Variants in EML1 observed in about 807,000 individuals in gnomAD.
EML1 encodes echinoderm microtubule-associated protein-like 1.
EML1 carries 27 observed loss-of-function variants against 110.4 expected under a neutral mutation model. That is an observed-to-expected ratio of 0.24 (90% confidence interval 0.18 to 0.34). The LOEUF (loss-of-function observed/expected upper bound fraction) is 0.34, where lower values mean the gene tolerates loss of function less well. EML1 is among the 10% of genes least tolerant of loss of function. The probability of loss-of-function intolerance (pLI) is 1.00; values close to 1 mark genes in which losing one functional copy is unlikely to be tolerated. For synonymous variants in EML1, 344 were observed against 385.8 expected (o/e 0.89, Z 1.27); for missense variants, 741 against 1,030.9 (o/e 0.72, Z 3.85).
upstream of EML1, among the ~76,000 whole-genome samples, chr14:99,769,221 G>A (rs931173607): frequency 1.3e-5 from 2 of 152,202 alleles, no homozygotes; most frequent in African/African-American, 2.4e-5. Context: ...TCTGAGCAGC[G>A]TGGCCATCTC....
At chr14:99,888,636 C>T (rs1242864886) in intron 4 of EML1, among the ~76,000 whole-genome samples, 4 of 152,198 alleles carry the variant, frequency 2.6e-5, no homozygotes, top group Non-Finnish European at 4.4e-5. Context: ...AAGAATGTCA[C>T]TTCCACCCTA....
At chr14:99,822,455 G>A (rs142150136) in intron 1 of EML1, among the ~76,000 whole-genome samples, 1 of 152,280 alleles carries the variant, frequency 6.6e-6, no homozygotes, top group African/African-American at 2.4e-5. Context: ...TATAACTAGG[G>A]TTAAAAATCA....
chr14:99,850,465 A>G lies in EML1; in HGVS notation c.68-388A>G. 4.1e-6 allele frequency: 3 copies of G among 738,662 alleles called. 1 individual carries two copies. In the South Asian group the frequency reaches 5.0e-5, roughly 12 times the overall value. 45.8% of individuals were successfully genotyped at this position (738,662 alleles called of 1,614,324 possible). ...CTACCTGTCAGTTAACATAATTGGA[A>G]CAGAAGCTAGAAGACCATGCAGACT... is the stretch of plus-strand genomic sequence containing the variant. On this transcript the variant is annotated intron_variant, in intron 1 of 21. Transcript: ENST00000262233.
chr14:99,918,768 T>C (rs2060076303), intron 16 of EML1, among the ~76,000 whole-genome samples: 1 of 152,066 alleles, frequency 6.6e-6, no homozygotes, highest in Non-Finnish European at 1.5e-5. Context: ...CGCACTATGA[T>C]TGCACCACTG....
intron 1 of EML1, among the ~76,000 whole-genome samples, chr14:99,807,850 G>C (rs2058006329): frequency 6.6e-6 from 1 of 152,082 alleles, no homozygotes; most frequent in Non-Finnish European, 1.5e-5. Flanking sequence ...GTTACAGCTG[G>C]GTTGACTTAT....
chr14:99,754,820 A>G (rs1004901223), intron 1 of EML1, among the ~76,000 whole-genome samples: 1 of 152,148 alleles, frequency 6.6e-6, no homozygotes, highest in African/African-American at 2.4e-5. Context: ...AAACTTCTCC[A>G]GGTCATGCCT....
At chr14:99,870,662 G>A (rs866346619) in intron 3 of EML1, among the ~76,000 whole-genome samples, 2 of 152,118 alleles carry the variant, frequency 1.3e-5, no homozygotes, top group African/African-American at 4.8e-5. Context: ...AAATCCTAGG[G>A]CCCTTAAGAA....
chr14:99,919,926 T>C, intron 16 of EML1, among the ~76,000 whole-genome samples: 1 of 152,168 alleles, frequency 6.6e-6, no homozygotes, highest in East Asian at 1.9e-4. Context: ...GTGGACATGC[T>C]GATGGGATGT....
intron 3 of EML1, among the ~76,000 whole-genome samples, chr14:99,870,870 T>C (rs1030268428): frequency 6.6e-6 from 1 of 152,206 alleles, no homozygotes; most frequent in Non-Finnish European, 1.5e-5. Context: ...GAGCGGAAAT[T>C]AATGTTTTTA....
At chr14:99,791,816 C>T (rs907240166), upstream of EML1, among the ~76,000 whole-genome samples, 1 of 152,254 alleles carries the variant, frequency 6.6e-6, no homozygotes, top group African/African-American at 2.4e-5. Context: ...CTGGTTCAGG[C>T]TCCTCTGCAG....
At chr14:99,897,453 T>G (rs2059690343) in intron 7 of EML1, among the ~76,000 whole-genome samples, 159 bp downstream of exon 7, 1 of 152,128 alleles carries the variant, frequency 6.6e-6, no homozygotes, top group South Asian at 2.1e-4. Context: ...GGAAATAGCA[T>G]TAGCAGAACA....
intron 9 of EML1, among the ~76,000 whole-genome samples, chr14:99,903,480 C>T (rs1378520268): frequency 6.6e-6 from 1 of 152,160 alleles, no homozygotes; most frequent in Non-Finnish European, 1.5e-5. Context: ...AGTCTTAGGA[C>T]AGCCACAATT....
intron 17 of EML1, among the ~76,000 whole-genome samples, chr14:99,924,103 C>G (rs989723203): frequency 7.2e-5 from 11 of 152,190 alleles, no homozygotes; most frequent in Admixed American, 6.5e-4. Flanking sequence ...TAGGTCTTTA[C>G]TTTTTCTCAG....
At chr14:99,926,476 G>A (rs1244552794) in intron 17 of EML1, among the ~76,000 whole-genome samples, 1 of 151,974 alleles carries the variant, frequency 6.6e-6, no homozygotes, top group Admixed American at 6.6e-5. Flanking sequence ...GTAGAGACAG[G>A]GTTTTGCCAG....
intron 1 of EML1, among the ~76,000 whole-genome samples, chr14:99,741,843 G>A (rs1338462563): frequency 2.6e-5 from 4 of 152,198 alleles, no homozygotes; most frequent in Non-Finnish European, 5.9e-5. Flanking sequence ...GGGCAGACAA[G>A]TGCTGGAAAG....
At chr14:99,897,722 T>A (rs1380288153) in intron 7 of EML1, among the ~76,000 whole-genome samples, 1 of 152,246 alleles carries the variant, frequency 6.6e-6, no homozygotes, top group African/African-American at 2.4e-5. Flanking sequence ...TATTTTTTGA[T>A]AAACATAAAA....
chr14:99,909,419 A>G lies in EML1; in HGVS notation c.1179A>G (p.Ser393=), dbSNP rs1476595848. The part of the protein sequence containing the change: ...DTNIIVTCGK[S]HLYFWTLEGS... The stretch of plus-strand genomic sequence containing the variant: ...ACATCATAGTTACTTGTGGAAAATC[A>G]CATCTCTACTTTTGGACACTAGAAG... The change falls in exon 11 of 22, where the codon TCA becomes TCG. Residue 393 remains serine, a synonymous_variant. Coordinates refer to ENST00000262233, the MANE Select transcript of EML1 (RefSeq NM_004434.3). The G allele has an allele frequency of 1.9e-6, 3 of 1,614,214 alleles. No individual in the cohort carries two copies. Among genetic ancestry groups the G allele is most frequent in the Admixed American group, 3.3e-5 (2 of 60,024 alleles).
chr14:99,898,084 G>C, intron 7 of EML1, 149 bp from the exon 8 acceptor site: 1 of 520,554 alleles, frequency 1.9e-6, no homozygotes, highest in East Asian at 3.2e-5. Flanking sequence ...GTCTAACGTC[G>C]TGGTGCTCAG....
intron 4 of EML1, among the ~76,000 whole-genome samples, chr14:99,880,013 T>C (rs552559818): frequency 1.8e-3 from 281 of 152,294 alleles, no homozygotes; most frequent in Non-Finnish European, 3.4e-3. Flanking sequence ...GCTGGGTAAA[T>C]ATTTCCATAG....
Sources: allele counts gnomAD v4.1 joint callset (sites outside exome capture counted in the v4.1 genomes callset), GRCh38; gene constraint gnomAD v4.1.1; transcripts MANE v1.5; gene names NCBI Gene and HGNC (gene_info 2026-07-23, HGNC 2026-07-21).